GOLPH3L: variants seen among roughly 807,000 people sequenced by gnomAD.
The protein encoded by GOLPH3L is Golgi phosphoprotein 3-like.
GOLPH3L carries 22 observed loss-of-function variants against 30.3 expected under a neutral mutation model. The ratio of observed to expected loss-of-function variants is 0.73; its 90% CI spans 0.52 to 1.04. GOLPH3L has a LOEUF of 1.04. Ranked by LOEUF, GOLPH3L falls within the 50% of genes least tolerant of loss-of-function variation. The pLI, the probability that GOLPH3L is intolerant of heterozygous loss-of-function variation, is 0.00. For synonymous variants in GOLPH3L, 120 were observed against 128.2 expected (o/e 0.94, Z 0.43); for missense variants, 303 against 345.8 (o/e 0.88, Z 0.98).
intron 4 of GOLPH3L, among the ~76,000 whole-genome samples, chr1:150,660,351 C>T (rs1245652548): frequency 6.6e-6 from 1 of 152,054 alleles, no homozygotes; most frequent in East Asian, 1.9e-4. Flanking sequence ...TAAAATGGTG[C>T]AGTCTCTGTG....
intron 2 of GOLPH3L, among the ~76,000 whole-genome samples, chr1:150,686,441 G>C (rs1651087930): frequency 6.6e-6 from 1 of 152,010 alleles, no homozygotes; most frequent in Non-Finnish European, 1.5e-5. Flanking sequence ...CTGGCCTGAA[G>C]TAATCCTCCC....
At chr1:150,650,815 CA>C (rs1650087659) in intron 4 of GOLPH3L, among the ~76,000 whole-genome samples, 1 of 151,892 alleles carries the variant, frequency 6.6e-6, no homozygotes, top group South Asian at 2.1e-4. Context: ...CAGTTTTTGA[CA>C]AAAAAGTATG....
At chr1:150,660,612 G>A (rs1650346672) in intron 4 of GOLPH3L, among the ~76,000 whole-genome samples, 1 of 152,200 alleles carries the variant, frequency 6.6e-6, no homozygotes, top group African/African-American at 2.4e-5. Flanking sequence ...AAACAGGAAT[G>A]AAATTTTGAT....
At chr1:150,690,319 T>C (rs1413458643) in intron 2 of GOLPH3L, among the ~76,000 whole-genome samples, 4 of 152,148 alleles carry the variant, frequency 2.6e-5, no homozygotes, top group Non-Finnish European at 5.9e-5. Context: ...TAATACTGGG[T>C]TCTAAACAGA....
At chr1:150,654,581 C>A (rs1284563099) in intron 4 of GOLPH3L, among the ~76,000 whole-genome samples, 2 of 152,058 alleles carry the variant, frequency 1.3e-5, no homozygotes, top group Non-Finnish European at 2.9e-5. Context: ...GCAAGCAGTT[C>A]CCTGTTAGGA....
chr1:150,661,535 C>T (rs1650367704), intron 4 of GOLPH3L, among the ~76,000 whole-genome samples: 1 of 152,028 alleles, frequency 6.6e-6, no homozygotes, highest in East Asian at 1.9e-4. Flanking sequence ...TGCATCAATG[C>T]CAATATTCTC....
chr1:150,664,164 G>A (rs2101791054), intron 2 of GOLPH3L, among the ~76,000 whole-genome samples: 1 of 151,696 alleles, frequency 6.6e-6, no homozygotes, highest in East Asian at 2.0e-4. Context: ...ATGCCTGGCT[G>A]TTTTTAAAAA....
At chr1:150,662,782 T>C (rs1274813693) in intron 3 of GOLPH3L, among the ~76,000 whole-genome samples, 1 of 152,112 alleles carries the variant, frequency 6.6e-6, no homozygotes, top group African/African-American at 2.4e-5. Flanking sequence ...ATGACACATA[T>C]AGGTTAAAAG....
chr1:150,678,538 A>G (rs1650873618), intron 2 of GOLPH3L, among the ~76,000 whole-genome samples: 1 of 152,168 alleles, frequency 6.6e-6, no homozygotes, highest in Admixed American at 6.5e-5. Context: ...TTCTATAACT[A>G]TAATTCACCA....
At chr1:150,688,390 C>T (rs1330841929) in intron 2 of GOLPH3L, among the ~76,000 whole-genome samples, 2 of 151,220 alleles carry the variant, frequency 1.3e-5, no homozygotes, top group Non-Finnish European at 3.0e-5. Context: ...TAGGAACATC[C>T]AGTTGATGTT....
chr1:150,651,091 T>A (rs1571031730), intron 4 of GOLPH3L, among the ~76,000 whole-genome samples: 1 of 151,292 alleles, frequency 6.6e-6, no homozygotes, highest in Non-Finnish European at 1.5e-5. Flanking sequence ...CTGAGGTGGG[T>A]GGATCATTTG....
chr1:150,658,987 G>A (rs1650310211), intron 4 of GOLPH3L, among the ~76,000 whole-genome samples: 1 of 152,204 alleles, frequency 6.6e-6, no homozygotes, highest in African/African-American at 2.4e-5. Flanking sequence ...AGGCACACCT[G>A]ACCTTAATGC....
chr1:150,688,516 C>T (rs113446947), intron 2 of GOLPH3L, among the ~76,000 whole-genome samples: 58,541 of 152,046 alleles, frequency 0.39, 11,604 homozygotes, highest in South Asian at 0.55. Context: ...CTTTGGGAGG[C>T]CAAGGCAGTT....
At chr1:150,652,640 G>A (rs1650150309) in intron 4 of GOLPH3L, among the ~76,000 whole-genome samples, 1 of 151,902 alleles carries the variant, frequency 6.6e-6, no homozygotes, top group African/African-American at 2.4e-5. Context: ...AAAAAAGATG[G>A]TATAATTGGA....
chr1:150,661,617 T>C (rs930431552), intron 4 of GOLPH3L, among the ~76,000 whole-genome samples, 197 bp downstream of exon 4: 1 of 152,250 alleles, frequency 6.6e-6, no homozygotes, highest in African/African-American at 2.4e-5. Flanking sequence ...TGGGGTGGGG[T>C]GGCAGAAGAT....
intron 2 of GOLPH3L, among the ~76,000 whole-genome samples, chr1:150,680,541 T>C (rs1197496143): frequency 6.6e-6 from 1 of 152,220 alleles, no homozygotes; most frequent in Non-Finnish European, 1.5e-5. Flanking sequence ...GAAACATTTT[T>C]CAGTGCCCTC....
intron 2 of GOLPH3L, among the ~76,000 whole-genome samples, chr1:150,664,123 T>C (rs1650439139): frequency 6.6e-6 from 1 of 151,982 alleles, no homozygotes; most frequent in African/African-American, 2.4e-5. Context: ...CTCAGCCTCC[T>C]GAGTAGCTGG....
intron 4 of GOLPH3L, among the ~76,000 whole-genome samples, chr1:150,660,712 T>C (rs1018243351): frequency 2.6e-5 from 4 of 152,168 alleles, no homozygotes; most frequent in Non-Finnish European, 5.9e-5. Flanking sequence ...ATTCTACTTA[T>C]ATGAGGTACC....
At chr1:150,676,106 TG>T in intron 2 of GOLPH3L, among the ~76,000 whole-genome samples, 1 of 152,060 alleles carries the variant, frequency 6.6e-6, no homozygotes, top group East Asian at 1.9e-4. Context: ...CCTAAGTAGC[TG>T]GAACTACCAG....
Sources: gnomAD v4.1 joint callset for allele counts (sites outside exome capture counted in the v4.1 genomes callset) on GRCh38, gnomAD v4.1.1 for gene constraint, MANE v1.5 for transcripts, NCBI Gene and HGNC (gene_info 2026-07-23, HGNC 2026-07-21) for gene names.